Variants in KAZN observed in about 807,000 individuals in gnomAD.
KAZN encodes kazrin, periplakin interacting protein, also known as kazrin.
In KAZN, 40 loss-of-function variants were observed where a neutral mutation model predicts 87.4. The ratio of observed to expected loss-of-function variants is 0.46; its 90% CI spans 0.36 to 0.60. The LOEUF (loss-of-function observed/expected upper bound fraction) is 0.60. Ranked by LOEUF, KAZN falls within the 20% of genes least tolerant of loss-of-function variation. The pLI is 0.00. For missense variants in KAZN, 898 were observed against 1,073.9 expected, an observed-to-expected ratio of 0.84 and a Z score of 2.29; for synonymous variants, 466 against 458.3, an observed-to-expected ratio of 1.02 and a Z score of -0.22.
chr1:15,042,240 G>A (rs1672998406), intron 3 of KAZN, among the ~76,000 whole-genome samples: 1 of 152,192 alleles, frequency 6.6e-6, no homozygotes, highest in African/African-American at 2.4e-5. Flanking sequence ...TACACCAGCG[G>A]GTTCTCAGGG....
intron 1 of KAZN, among the ~76,000 whole-genome samples, chr1:14,663,507 G>T (rs1240729292): frequency 6.6e-6 from 1 of 152,120 alleles, no homozygotes; most frequent in Non-Finnish European, 1.5e-5. Context: ...TGTCTTTCTA[G>T]TACATATTTT....
intron 2 of KAZN, among the ~76,000 whole-genome samples, chr1:15,010,873 C>T (rs1187882348): frequency 6.6e-6 from 1 of 152,146 alleles, no homozygotes; most frequent in Non-Finnish European, 1.5e-5. Flanking sequence ...AATTCAAAAA[C>T]GAAAGCTGGG....
At chr1:15,045,448 G>A (rs1673370378) in intron 4 of KAZN, among the ~76,000 whole-genome samples, 1 of 152,166 alleles carries the variant, frequency 6.6e-6, no homozygotes, top group South Asian at 2.1e-4. Context: ...CAGGGCTTAG[G>A]GGTGCCGATC....
intron 1 of KAZN, among the ~76,000 whole-genome samples, chr1:14,757,868 G>A (rs553210068): frequency 6.6e-6 from 1 of 152,074 alleles, no homozygotes; most frequent in Non-Finnish European, 1.5e-5. Context: ...GCCACTATTT[G>A]CTTTCTGTTT....
Position 14,599,274 on chromosome 1 carries a change from G to A in KAZN, c.226+51G>A, listed in dbSNP as rs1406848029. On this transcript the variant is annotated intron_variant, in intron 1 of 14. Transcript: ENST00000376030. The surrounding 1 kb of genome is among the most constrained non-coding windows in gnomAD (Gnocchi z 4.4). ...GGAGGAAGGCGAGCAGAGCACGCCC[G>A]GCCTCGGAGGTGGCCGGGGACCCGG... is the stretch of plus-strand genomic sequence containing the variant. 1.5e-6 allele frequency: 2 copies of A among 1,290,980 alleles called. No homozygotes were observed. Among genetic ancestry groups the A allele is most frequent in the Non-Finnish European group, 2.0e-6 (2 of 1,020,798 alleles). 80.0% of individuals were successfully genotyped at this position (1,290,980 alleles called of 1,614,324 possible).
At chr1:14,555,764 A>G (rs1673824442) in intron 2 of KAZN, among the ~76,000 whole-genome samples, 1 of 152,218 alleles carries the variant, frequency 6.6e-6, no homozygotes, top group African/African-American at 2.4e-5. Context: ...ACCGTGCCTT[A>G]CCCAAGATCA....
At chr1:14,384,801 G>T (rs1409547397) in intron 2 of KAZN, among the ~76,000 whole-genome samples, 1 of 151,808 alleles carries the variant, frequency 6.6e-6, no homozygotes, top group Non-Finnish European at 1.5e-5. Context: ...TCTCTGCCCG[G>T]CTTTGGTATC....
In KAZN at chr1:15,112,276, A is replaced by C. The variant is rs538467803; in HGVS notation, c.2049-151A>C. 3.9e-5 allele frequency: 25 copies of C among 647,012 alleles called. No homozygotes were observed. In the Admixed American group the frequency reaches 5.3e-4, roughly 14 times the overall value. 40.1% of individuals were successfully genotyped at this position (647,012 alleles called of 1,614,324 possible). A position where few individuals can be genotyped will look rare whatever the true frequency, so the allele number is the denominator to read the frequency against. On this transcript the variant is annotated intron_variant, in intron 13 of 14. Transcript: ENST00000376030. ...CGCTTATAAAGTGCTGAGCACAAGG[A>C]TGGCACGTGGGAGGTAATCAGTCGG...
intron 2 of KAZN, among the ~76,000 whole-genome samples, chr1:14,380,077 C>A (rs1661246458): frequency 6.6e-6 from 1 of 152,224 alleles, no homozygotes; most frequent in Admixed American, 6.5e-5. Context: ...AAGAGTCTGC[C>A]TGGTAATCCA....
intron 2 of KAZN, among the ~76,000 whole-genome samples, chr1:14,991,518 G>A (rs865973822): frequency 2.0e-5 from 3 of 152,208 alleles, no homozygotes; most frequent in Admixed American, 6.5e-5. Context: ...CTAGGAGCCC[G>A]AGGAATGTGG....
At chr1:14,160,774 T>A (rs573333258) in intron 1 of KAZN, among the ~76,000 whole-genome samples, 251 of 152,340 alleles carry the variant, frequency 1.6e-3, no homozygotes, top group African/African-American at 5.8e-3. Context: ...TCTATTCTCA[T>A]GTAGGATGTA....
intron 2 of KAZN, among the ~76,000 whole-genome samples, chr1:14,343,843 G>A (rs539137736): frequency 1.4e-4 from 21 of 152,102 alleles, no homozygotes; most frequent in Admixed American, 8.5e-4. Flanking sequence ...CATTTCCTTC[G>A]GCAAACTCAT....
intron 2 of KAZN, among the ~76,000 whole-genome samples, chr1:14,480,535 CAT>C (rs1669012402): frequency 6.8e-6 from 1 of 147,508 alleles, no homozygotes; most frequent in Non-Finnish European, 1.5e-5. Context: ...GTATATATAG[CAT>C]ATATAATTTA....
At chr1:14,554,421 C>T (rs958519126) in intron 2 of KAZN, among the ~76,000 whole-genome samples, 3 of 152,156 alleles carry the variant, frequency 2.0e-5, no homozygotes, top group Non-Finnish European at 4.4e-5. Flanking sequence ...TTAGTTGCCC[C>T]CTGATGGACG....
chr1:14,519,788 CCA>C (rs1671487646), intron 2 of KAZN, among the ~76,000 whole-genome samples: 2 of 152,086 alleles, frequency 1.3e-5, no homozygotes, highest in Non-Finnish European at 2.9e-5. Flanking sequence ...AGGAGGATCC[CCA>C]GAGTCCCATG....
intron 2 of KAZN, among the ~76,000 whole-genome samples, chr1:14,292,899 C>T (rs536823836): frequency 8.5e-5 from 13 of 152,312 alleles, no homozygotes; most frequent in African/African-American, 3.1e-4. Flanking sequence ...AAACTGCAGG[C>T]AGCTTAGCAA....
At chr1:14,664,372 G>T (rs905575817) in intron 1 of KAZN, among the ~76,000 whole-genome samples, 1 of 152,172 alleles carries the variant, frequency 6.6e-6, no homozygotes, top group Non-Finnish European at 1.5e-5. Context: ...GGCAGAGGTT[G>T]CAGTGAGCCA....
chr1:14,604,322 G>A (rs1385168620), intron 1 of KAZN, among the ~76,000 whole-genome samples: 1 of 152,168 alleles, frequency 6.6e-6, no homozygotes, highest in Non-Finnish European at 1.5e-5. Flanking sequence ...ATCCACAGGG[G>A]CAGATCATAC....
chr1:14,426,266 C>T (rs563633585), intron 2 of KAZN, among the ~76,000 whole-genome samples: 1 of 152,308 alleles, frequency 6.6e-6, no homozygotes, highest in South Asian at 2.1e-4. Context: ...TCAAATGTCA[C>T]CTCTGCAGAA....
Sources: gnomAD v4.1 joint callset for allele counts (sites outside exome capture counted in the v4.1 genomes callset) on GRCh38, gnomAD v4.1.1 for gene constraint, Gnocchi (gnomAD v3.1) non-coding constraint, MANE v1.5 for transcripts, NCBI Gene and HGNC (gene_info 2026-07-23, HGNC 2026-07-21) for gene names.